Variants in CREB5 observed in about 807,000 individuals in gnomAD.
The protein encoded by CREB5 is cyclic AMP-responsive element-binding protein 5.
Under a neutral mutation model 57.1 loss-of-function variants are expected in CREB5, and 19 were observed. The observed-to-expected ratio is 0.33, with a 90% CI of 0.23 to 0.49. The LOEUF (loss-of-function observed/expected upper bound fraction) is 0.49, where lower values mean the gene tolerates loss of function less well. Among genes scored for constraint, CREB5 ranks in the 20% least tolerant of loss-of-function variants. CREB5 has a pLI of 0.99. For synonymous variants in CREB5, 238 were observed against 238.3 expected (o/e 1.00, Z 0.01); for missense variants, 579 against 671.6 (o/e 0.86, Z 1.52).
intron 1 of CREB5, among the ~76,000 whole-genome samples, chr7:28,465,519 T>A (rs949607394): frequency 2.6e-5 from 4 of 152,178 alleles, no homozygotes; most frequent in Non-Finnish European, 1.5e-5. Context: ...TACTAGAAAA[T>A]GGGTTGTTCC....
At chr7:28,701,428 G>A (rs1801855653) in intron 5 of CREB5, among the ~76,000 whole-genome samples, 1 of 152,304 alleles carries the variant, frequency 6.6e-6, no homozygotes, top group South Asian at 2.1e-4. Context: ...ATTCTGTAAA[G>A]TACAAACTGT....
chr7:28,579,297 C>A (rs1471907633), intron 5 of CREB5, among the ~76,000 whole-genome samples: 1 of 152,202 alleles, frequency 6.6e-6, no homozygotes, highest in Non-Finnish European at 1.5e-5. Flanking sequence ...AAGAATTCTA[C>A]AAAACGCATT....
At chr7:28,349,436 C>T (rs189614079) in intron 1 of CREB5, among the ~76,000 whole-genome samples, 1 of 151,754 alleles carries the variant, frequency 6.6e-6, no homozygotes, top group Non-Finnish European at 1.5e-5. Context: ...CCCCCCATTC[C>T]CATTCAATCT....
At chr7:28,563,969 A>G (rs1403202235) in intron 4 of CREB5, among the ~76,000 whole-genome samples, 1 of 152,146 alleles carries the variant, frequency 6.6e-6, no homozygotes, top group East Asian at 1.9e-4. Flanking sequence ...AGATCCAAAA[A>G]ATACCTGTCC....
intron 4 of CREB5, among the ~76,000 whole-genome samples, chr7:28,550,379 C>A (rs1311231702): frequency 6.6e-6 from 1 of 152,130 alleles, no homozygotes; most frequent in Non-Finnish European, 1.5e-5. Flanking sequence ...TGCAGGATAC[C>A]CTTCTAAGGG....
intron 5 of CREB5, among the ~76,000 whole-genome samples, chr7:28,583,250 G>A (rs1796184130): frequency 6.6e-6 from 1 of 152,174 alleles, no homozygotes; most frequent in Non-Finnish European, 1.5e-5. Flanking sequence ...CCACAAACAA[G>A]AGGAAAAGTG....
chr7:28,495,539 C>A (rs75601446), intron 3 of CREB5, among the ~76,000 whole-genome samples: 31 of 142,142 alleles, frequency 2.2e-4, no homozygotes, highest in African/African-American at 3.1e-4. Context: ...AACTCCGTCT[C>A]AAAAAAAAAA....
intron 9 of CREB5, among the ~76,000 whole-genome samples, chr7:28,814,124 T>C (rs1055236060): frequency 3.3e-5 from 5 of 152,226 alleles, no homozygotes; most frequent in African/African-American, 1.2e-4. Flanking sequence ...CTTGTATGCA[T>C]TTTGAAACAT....
In CREB5 at chr7:28,719,975, G is replaced by A. The variant is rs139767526; in HGVS notation, c.591+1096G>A. 2.0e-4 allele frequency among the ~76,000 whole-genome samples: 31 copies of A among 152,272 alleles called. No homozygotes were observed. The East Asian group carries it at 5.4e-3, about 27-fold the overall frequency. On this transcript the variant is annotated intron_variant, in intron 6 of 10. Coordinates refer to ENST00000357727, the MANE Select transcript of CREB5 (RefSeq NM_182898.4). ...CTCAGGAAGCTGAGGCAGGAGAATC[G>A]CTTGAACCCGGGAGGCGGAGGTTAC...
At chr7:28,664,550 TC>T (rs1293912455) in intron 5 of CREB5, among the ~76,000 whole-genome samples, 1 of 152,190 alleles carries the variant, frequency 6.6e-6, no homozygotes, top group Admixed American at 6.5e-5. Context: ...CGTTTTTCCA[TC>T]ATAGTTCCTG....
chr7:28,580,429 C>CCACACACACA (rs70977058), intron 5 of CREB5, among the ~76,000 whole-genome samples: 10,248 of 130,704 alleles, frequency 0.078, 527 homozygotes, highest in South Asian at 0.12. Context: ...TCCCCCCCCA[C>CCACACACACA]CACACACACA....
chr7:28,578,882 T>C (rs944850843), intron 5 of CREB5, among the ~76,000 whole-genome samples: 4 of 152,222 alleles, frequency 2.6e-5, no homozygotes, highest in Non-Finnish European at 5.9e-5. Flanking sequence ...TAAACACCAT[T>C]AGCATTTTAC....
At chr7:28,624,998 A>AT (rs10603623) in intron 5 of CREB5, among the ~76,000 whole-genome samples, 14,986 of 138,320 alleles carry the variant, frequency 0.11, 879 homozygotes, top group Non-Finnish European at 0.14. Context: ...ACCATGTTGG[A>AT]TTTTTTTTTT....
intron 1 of CREB5, among the ~76,000 whole-genome samples, chr7:28,378,323 T>C (rs1287601919): frequency 6.6e-6 from 1 of 152,186 alleles, no homozygotes; most frequent in Non-Finnish European, 1.5e-5. Context: ...CAAAACTCTT[T>C]TTAATTATAC....
chr7:28,628,577 G>A (rs547946166), intron 5 of CREB5, among the ~76,000 whole-genome samples: 2 of 152,274 alleles, frequency 1.3e-5, no homozygotes, highest in Admixed American at 6.5e-5. Context: ...GCAGAAGAAA[G>A]TGTAAATTTC....
intron 6 of CREB5, among the ~76,000 whole-genome samples, chr7:28,722,199 A>G (rs1047228476): frequency 6.6e-6 from 1 of 152,230 alleles, no homozygotes; most frequent in Non-Finnish European, 1.5e-5. Flanking sequence ...AAAAAGTGGG[A>G]AGCGTTGCTG....
intron 1 of CREB5, among the ~76,000 whole-genome samples, chr7:28,360,497 T>A (rs974472201): frequency 6.6e-6 from 1 of 152,128 alleles, no homozygotes. Flanking sequence ...TAGATTCACT[T>A]ATATGTTGAA....
chr7:28,365,532 A>G (rs1025430531), intron 1 of CREB5, among the ~76,000 whole-genome samples: 1 of 152,020 alleles, frequency 6.6e-6, no homozygotes, highest in African/African-American at 2.4e-5. Flanking sequence ...TCTTGATCCC[A>G]TCTACTCCTC....
chr7:28,410,100 G>A (rs1787711866), upstream of CREB5: 3 of 388,670 alleles, frequency 7.7e-6, no homozygotes, highest in South Asian at 3.8e-5. Context: ...CGCTCTCCCC[G>A]GTGCGGAGCT....
Sources: gnomAD v4.1 joint callset for allele counts (sites outside exome capture counted in the v4.1 genomes callset) on GRCh38, gnomAD v4.1.1 for gene constraint, MANE v1.5 for transcripts, NCBI Gene and HGNC (gene_info 2026-07-23, HGNC 2026-07-21) for gene names.